The following FRMD6 variants were observed in gnomAD, a reference collection of about 807,000 sequenced individuals.
FRMD6 encodes FERM domain containing 6.
Under a neutral mutation model 73.2 loss-of-function variants are expected in FRMD6, and 37 were observed. That is an observed-to-expected ratio of 0.51 (90% CI 0.39 to 0.66). The LOEUF is 0.66. Ranked by LOEUF, FRMD6 falls within the 30% of genes least tolerant of loss-of-function variation. The probability of loss-of-function intolerance (pLI) is 0.00; values close to 1 mark genes in which losing one functional copy is unlikely to be tolerated. For missense variants in FRMD6, 714 were observed against 780.5 expected, an observed-to-expected ratio of 0.91 and a Z score of 1.02; for synonymous variants, 273 against 282.2, an observed-to-expected ratio of 0.97 and a Z score of 0.33.
intron 1 of FRMD6, among the ~76,000 whole-genome samples, chr14:51,506,943 G>A (rs975752341): frequency 6.6e-6 from 1 of 152,084 alleles, no homozygotes; most frequent in African/African-American, 2.4e-5. Flanking sequence ...CATATACTAT[G>A]ATCTCACTTA....
At chr14:51,595,797 T>G (rs1396254116) in intron 2 of FRMD6, among the ~76,000 whole-genome samples, 2 of 152,184 alleles carry the variant, frequency 1.3e-5, no homozygotes, top group African/African-American at 4.8e-5. Flanking sequence ...TTCCTTAGAG[T>G]CTCAGGCAAT....
intron 1 of FRMD6, among the ~76,000 whole-genome samples, chr14:51,533,742 G>A (rs1885726592): frequency 2.0e-5 from 3 of 152,148 alleles, no homozygotes; most frequent in Admixed American, 2.0e-4. Context: ...AGATGACATT[G>A]CCAGGCCCTT....
In FRMD6 at chr14:51,511,102, G is replaced by T. The variant is rs113045113; in HGVS notation, c.-210+21682G>T. On this transcript the variant is annotated intron_variant, in intron 1 of 14. Transcript: ENST00000356218. The stretch of plus-strand genomic sequence containing the variant: ...CTCTAAGTAGTCCCACTGCTTTCTA[G>T]CCTACTCCCCAGTGGCTATTACTAG... Among the ~76,000 whole-genome samples, 676 of 151,954 alleles carry T rather than the reference G, an allele frequency of 4.4e-3. 3 individuals are homozygous for T. The highest frequency in any genetic ancestry group is 0.016 in the African/African-American group (653 of 41,422).
At chr14:51,424,356 T>C in the FRMD6 span, among the ~76,000 whole-genome samples, 1 of 152,234 alleles carries the variant, frequency 6.6e-6, no homozygotes, top group African/African-American at 2.4e-5. Flanking sequence ...AACTGTTTTC[T>C]TGAGATTCTA....
chr14:51,563,711 C>T (rs1198823037), intron 1 of FRMD6, among the ~76,000 whole-genome samples: 2 of 152,090 alleles, frequency 1.3e-5, no homozygotes, highest in African/African-American at 4.8e-5. Context: ...GGTTGCAATA[C>T]AACTTTGATG....
chr14:51,520,938 G>A lies in FRMD6; in HGVS notation c.-210+31518G>A, dbSNP rs568911310. 5.3e-5 allele frequency among the ~76,000 whole-genome samples: 8 copies of A among 152,122 alleles called. No homozygotes were observed. In the South Asian group the frequency reaches 1.5e-3, roughly 28 times the overall value. On this transcript the variant is annotated intron_variant, in intron 1 of 14. Transcript: ENST00000356218. ...AATACGTAAATAAAAAAAATAAAAT[G>A]AGTGAACTATTCATCTATGAAACAA...
chr14:51,632,975 T>C (rs1191184391), intron 2 of FRMD6, among the ~76,000 whole-genome samples: 1 of 152,212 alleles, frequency 6.6e-6, no homozygotes, highest in East Asian at 1.9e-4. Flanking sequence ...GGTGTGATTA[T>C]GGTATCTGGT....
chr14:51,443,139 G>A, the FRMD6 span, among the ~76,000 whole-genome samples: 2 of 152,272 alleles, frequency 1.3e-5, no homozygotes, highest in Admixed American at 1.3e-4. Flanking sequence ...CACACACATA[G>A]TTCAATGAAA....
intron 2 of FRMD6, among the ~76,000 whole-genome samples, chr14:51,697,146 T>G (rs1365921156): frequency 6.6e-6 from 1 of 152,178 alleles, no homozygotes; most frequent in Non-Finnish European, 1.5e-5. Flanking sequence ...CATATGATCC[T>G]GGAACCCCAT....
At chr14:51,604,782 T>C (rs1371830690) in intron 2 of FRMD6, among the ~76,000 whole-genome samples, 1 of 152,164 alleles carries the variant, frequency 6.6e-6, no homozygotes, top group Non-Finnish European at 1.5e-5. Flanking sequence ...CAAGAGTTCA[T>C]TTTCCACCTT....
At chr14:51,537,823 T>A (rs1885980787) in intron 1 of FRMD6, among the ~76,000 whole-genome samples, 1 of 152,222 alleles carries the variant, frequency 6.6e-6, no homozygotes, top group African/African-American at 2.4e-5. Flanking sequence ...GTGTGGTGTC[T>A]CTTCATCTGC....
chr14:51,409,340 C>CTTTTTTTTTTTTTTTTTTTTTTTTT, the FRMD6 span, among the ~76,000 whole-genome samples: 1 of 84,142 alleles, frequency 1.2e-5, no homozygotes, highest in Non-Finnish European at 2.2e-5. Flanking sequence ...AAGTTTTTTG[C>CTTTTTTTTTTTTTTTTTTTTTTTTT]TTTTTTTTTT....
chr14:51,436,285 G>T, the FRMD6 span: 1 of 382,488 alleles, frequency 2.6e-6, no homozygotes, highest in South Asian at 2.8e-5. Context: ...TCTCAGAAGA[G>T]GTCAGAATTG....
Position 51,577,992 on chromosome 14 carries a change from T to C in FRMD6, c.-147+7582T>C, listed in dbSNP as rs1438223108. 2.6e-5 allele frequency among the ~76,000 whole-genome samples: 4 copies of C among 152,258 alleles called. No homozygotes were observed. The East Asian group carries it at 5.8e-4, about 22-fold the overall frequency. On this transcript the variant is annotated intron_variant, in intron 2 of 14. Transcript: ENST00000356218. ...ACTCACAGGTTATCATGAGCAGAAA[T>C]GAGTTCAGGCACGTAAAACACTCCT... is the stretch of plus-strand genomic sequence containing the variant.
intron 2 of FRMD6, among the ~76,000 whole-genome samples, chr14:51,611,128 A>G (rs1475730575): frequency 6.6e-6 from 1 of 152,178 alleles, no homozygotes; most frequent in African/African-American, 2.4e-5. Flanking sequence ...ATCTCCAGAG[A>G]GTGTCAAGCC....
chr14:51,533,657 T>C (rs1367586380), intron 1 of FRMD6, among the ~76,000 whole-genome samples: 1 of 152,180 alleles, frequency 6.6e-6, no homozygotes, highest in East Asian at 1.9e-4. Context: ...AAAAAGGAAA[T>C]ACCTTCTGAA....
At chr14:51,402,993 C>T in the FRMD6 span, among the ~76,000 whole-genome samples, 1,506 of 152,172 alleles carry the variant, frequency 9.9e-3, 25 homozygotes, top group African/African-American at 0.033. Flanking sequence ...AGGTAGGGGA[C>T]GCAGGAAGGT....
At chr14:51,588,479 G>A (rs888037010) in intron 2 of FRMD6, among the ~76,000 whole-genome samples, 6 of 151,974 alleles carry the variant, frequency 3.9e-5, no homozygotes, top group Non-Finnish European at 8.8e-5. Context: ...TGATTATGTA[G>A]GAAAATTATA....
chr14:51,728,177 C>A lies in FRMD6; in HGVS notation c.*148C>A. 2 of 745,610 alleles carry A rather than the reference C, an allele frequency of 2.7e-6. No individual in the cohort carries two copies. Among genetic ancestry groups the A allele is most frequent in the South Asian group, 2.1e-5 (1 of 48,746 alleles). The allele number at this position is 745,610 out of a possible 1,614,324, so 46.2% of individuals were successfully genotyped here. On this transcript the variant is annotated 3_prime_UTR_variant, in exon 14 of 14. Coordinates refer to ENST00000344768, the MANE Select transcript of FRMD6 (RefSeq NM_001267046.2). ...ATATTTGTGATGATGGAAACAAAAG[C>A]CTTGGAACAATTGCACTTTAAGTAT...
Sources: allele counts gnomAD v4.1 joint callset (sites outside exome capture counted in the v4.1 genomes callset), GRCh38; gene constraint gnomAD v4.1.1; transcripts MANE v1.5; gene names NCBI Gene and HGNC (gene_info 2026-07-23, HGNC 2026-07-21).